ERICH3: variants seen among roughly 807,000 people sequenced by gnomAD.
ERICH3 encodes glutamate rich 3, also known as glutamate-rich protein 3.
In ERICH3, 126 loss-of-function variants were observed where a neutral mutation model predicts 131.1. That is an observed-to-expected ratio of 0.96 (90% CI 0.83 to 1.11). The LOEUF (loss-of-function observed/expected upper bound fraction) is 1.11, where lower values mean the gene tolerates loss of function less well. ERICH3 is among the 50% of genes most tolerant of loss of function. The pLI, the probability that ERICH3 is intolerant of heterozygous loss-of-function variation, is 0.00. For missense variants in ERICH3, 2,050 were observed against 1,810.7 expected, an observed-to-expected ratio of 1.13 and a Z score of -2.40; for synonymous variants, 695 against 644.6, an observed-to-expected ratio of 1.08 and a Z score of -1.18.
rs1646387855 is a variant in ERICH3, at chr1:74,636,263, A to G, written c.603+17T>C. The G allele has an allele frequency of 2.6e-6, 4 of 1,563,386 alleles. No homozygotes were observed. The highest frequency in any genetic ancestry group is 3.5e-6 in the Non-Finnish European group (4 of 1,156,248). On this transcript the variant is annotated intron_variant, in intron 6 of 14. Coordinates refer to ENST00000326665, the MANE Select transcript of ERICH3 (RefSeq NM_001002912.5). ...CTCAAAAATTAAAATATATTTATTG[A>G]TAAAAATAACATTTACCCCAATGGG... is the stretch of plus-strand genomic sequence containing the variant.
rs560431778 is a variant in ERICH3, at chr1:74,653,773, C to T, written c.24-4458G>A. On this transcript the variant is annotated intron_variant, in intron 1 of 14. Coordinates refer to ENST00000326665, the MANE Select transcript of ERICH3 (RefSeq NM_001002912.5). The stretch of plus-strand genomic sequence containing the variant: ...ATGGATCACATTGATAATGTTATTT[C>T]TTCTGGCCTGAAGCACCCTGTAACT... Among the ~76,000 whole-genome samples, 3 of 152,162 alleles carry T rather than the reference C, an allele frequency of 2.0e-5. No homozygotes were observed. The East Asian group carries it at 5.8e-4, about 30-fold the overall frequency.
chr1:74,584,492 C>T (rs1374727816), intron 12 of ERICH3, among the ~76,000 whole-genome samples: 1 of 152,126 alleles, frequency 6.6e-6, no homozygotes, highest in Non-Finnish European at 1.5e-5. Flanking sequence ...AATTTGGGGC[C>T]ATTGCACTTG....
Position 74,571,999 on chromosome 1 carries a change from T to G in ERICH3, c.3711A>C (p.Thr1237=). ...TGGCTGCTAGCTCCTCTGCCTGGCCTGTGGCTGGGATCAGCCCCTCAGGGG... is the reference window on the plus strand; with the variant it reads ...TGGCTGCTAGCTCCTCTGCCTGGCCGGTGGCTGGGATCAGCCCCTCAGGGG... ...VQAPEGLIPA[T]GQAEELAAKD... is the part of the protein sequence containing the mutation. Residue 1237 remains threonine (T), a synonymous_variant, in exon 14 of 15, where the codon ACA becomes ACC. Coordinates refer to ENST00000326665, the MANE Select transcript of ERICH3 (RefSeq NM_001002912.5). The G allele has an allele frequency of 6.2e-7, 1 of 1,614,102 alleles. No homozygotes were observed. The highest frequency in any genetic ancestry group is 8.5e-7 in the Non-Finnish European group (1 of 1,180,024).
At position 74,599,713 on chromosome 1, in the gene ERICH3, G is replaced by A; in HGVS notation, c.1708C>T (p.Leu570=). ...DENDGCSESE[L]EEDKQDMKTA... Reference sequence around the variant, plus strand: ...AACTCGCCTTGTTTATCCTCTTCCAGTTCACTCTCAGAGCATCCATCATTC... The same window carrying A: ...AACTCGCCTTGTTTATCCTCTTCCAATTCACTCTCAGAGCATCCATCATTC... Residue 570 remains leucine (L), a synonymous_variant, in exon 11 of 15, where the codon CTG becomes TTG. Coordinates refer to ENST00000326665, the MANE Select transcript of ERICH3 (RefSeq NM_001002912.5). The A allele has an allele frequency of 6.2e-7, 1 of 1,609,932 alleles. No individual in the cohort carries two copies. Among genetic ancestry groups the A allele is most frequent in the East Asian group, 2.2e-5 (1 of 44,802 alleles).
At chr1:74,617,653 C>G (rs1382105753) in intron 8 of ERICH3, among the ~76,000 whole-genome samples, 1 of 152,140 alleles carries the variant, frequency 6.6e-6, no homozygotes, top group Non-Finnish European at 1.5e-5. Flanking sequence ...TCTGTACAGT[C>G]AGAAAGCAGA....
chr1:74,668,308 G>A (rs1190166031), intron 1 of ERICH3, among the ~76,000 whole-genome samples: 1 of 152,094 alleles, frequency 6.6e-6, no homozygotes, highest in African/African-American at 2.4e-5. Context: ...CCAGCAGAAG[G>A]ACACATCTCT....
chr1:74,578,826 A>T (rs1477046802), intron 12 of ERICH3, among the ~76,000 whole-genome samples: 1 of 152,146 alleles, frequency 6.6e-6, no homozygotes, highest in Non-Finnish European at 1.5e-5. Flanking sequence ...CTAAGGGGTA[A>T]TTACTTACTG....
At chr1:74,609,776 C>T (rs2100593025) in intron 9 of ERICH3, among the ~76,000 whole-genome samples, 1 of 152,176 alleles carries the variant, frequency 6.6e-6, no homozygotes, top group Middle Eastern at 3.4e-3. Flanking sequence ...AAGAACTGTG[C>T]ATTTTAGTTG....
At chr1:74,672,641 G>C (rs1213088644) in intron 1 of ERICH3, among the ~76,000 whole-genome samples, 1 of 152,104 alleles carries the variant, frequency 6.6e-6, no homozygotes. Flanking sequence ...AAAAAGGAAA[G>C]TGCCTTCAAT....
chr1:74,621,621 C>G (rs184145389), intron 7 of ERICH3: 3 of 152,220 alleles, frequency 2.0e-5, no homozygotes. Context: ...CTACAAAAAC[C>G]TATTTGATAT....
At chr1:74,591,040 G>A (rs1056584659) in intron 11 of ERICH3, among the ~76,000 whole-genome samples, 1 of 151,918 alleles carries the variant, frequency 6.6e-6, no homozygotes, top group Admixed American at 6.6e-5. Flanking sequence ...TTTGTCTACT[G>A]TACTATCCAC....
At chr1:74,645,220 C>T (rs949996530) in intron 3 of ERICH3, among the ~76,000 whole-genome samples, 1 of 151,602 alleles carries the variant, frequency 6.6e-6, no homozygotes, top group Non-Finnish European at 1.5e-5. Flanking sequence ...TTTTTTAATC[C>T]TACCTTGCAG....
Position 74,569,098 on chromosome 1 carries a change from A to C in ERICH3, c.*1360T>G, listed in dbSNP as rs1225103380. 1.3e-5 allele frequency: 2 copies of C among 152,188 alleles called. No homozygotes were observed. The highest frequency in any genetic ancestry group is 2.9e-5 in the Non-Finnish European group (2 of 68,032). 9.4% of individuals were successfully genotyped at this position (152,188 alleles called of 1,614,324 possible). A position where few individuals can be genotyped will look rare whatever the true frequency, so the allele number is the denominator to read the frequency against. ...ATATGCCTGGTCCCTAGGGACCTTG[A>C]GTGTAATGTGGCCAGCATGGATTAT... On this transcript the variant is annotated 3_prime_UTR_variant, in exon 15 of 15. Transcript: ENST00000326665.
In ERICH3 at chr1:74,590,047, C is replaced by A. The variant is rs1647513822; in HGVS notation, c.1760G>T (p.Ser587Ile). ...CTCACTGTCACTAGAATAAGGGTGA[C>A]TTCTGGATGAGGTTGATGAAGCAGT... ...MKTASSTSSRSHPYSSDSEDE... is the reference protein window; with the variant it reads ...MKTASSTSSRIHPYSSDSEDE... Residue 587 changes from serine to isoleucine, a missense_variant, in exon 12 of 15, where the codon AGT becomes ATT. Transcript: ENST00000326665. 1 of 1,611,178 alleles carries A rather than the reference C, an allele frequency of 6.2e-7. No individual in the cohort carries two copies. The highest frequency in any genetic ancestry group is 1.7e-5 in the Admixed American group (1 of 59,688).
intron 6 of ERICH3, chr1:74,634,559 C>T: frequency 1.6e-6 from 1 of 639,946 alleles, no homozygotes; most frequent in Non-Finnish European, 2.8e-6. Flanking sequence ...CCCCAGCCAG[C>T]AGAGCTTAAA....
chr1:74,571,499 A>G lies in ERICH3; in HGVS notation c.4211T>C (p.Val1404Ala), dbSNP rs1306498603. 2 of 1,613,292 alleles carry G rather than the reference A, an allele frequency of 1.2e-6. No individual in the cohort carries two copies. The highest frequency in any genetic ancestry group is 1.3e-5 in the African/African-American group (1 of 74,598). Residue 1404 changes from valine to alanine, a missense_variant, in exon 14 of 15, where the codon GTG becomes GCG. Val to Ala is a moderately conservative substitution (Grantham distance 64, BLOSUM62 0). Transcript: ENST00000326665. ...VGKTAAAGKVVVEELARSGEE... is the reference protein window; with the variant it reads ...VGKTAAAGKVAVEELARSGEE... ...CCCACTCCGTGCTAATTCCTCTACCACCACCTTCCCTGCAGCTGCTGTTTT... is the reference window on the plus strand; with the variant it reads ...CCCACTCCGTGCTAATTCCTCTACCGCCACCTTCCCTGCAGCTGCTGTTTT...
intron 13 of ERICH3, among the ~76,000 whole-genome samples, chr1:74,576,663 G>C (rs1452808975): frequency 1.3e-5 from 2 of 152,182 alleles, no homozygotes; most frequent in Non-Finnish European, 2.9e-5. Context: ...CACAGTGCTT[G>C]ATGACAATTA....
intron 3 of ERICH3, among the ~76,000 whole-genome samples, chr1:74,645,812 C>A (rs1363535431): frequency 6.6e-6 from 1 of 151,988 alleles, no homozygotes; most frequent in Non-Finnish European, 1.5e-5. Flanking sequence ...CTTCATCTAC[C>A]TAATGTAGCA....
chr1:74,669,669 G>T (rs1050016703), intron 1 of ERICH3, among the ~76,000 whole-genome samples: 1 of 152,210 alleles, frequency 6.6e-6, no homozygotes, highest in Non-Finnish European at 1.5e-5. Context: ...ATGCAGCTCA[G>T]ATTCAAAATC....
Sources: allele counts gnomAD v4.1 joint callset (sites outside exome capture counted in the v4.1 genomes callset), GRCh38; gene constraint gnomAD v4.1.1; transcripts MANE v1.5; gene names NCBI Gene and HGNC (gene_info 2026-07-23, HGNC 2026-07-21).